The following COL12A1 variants were observed in gnomAD, a reference collection of about 807,000 sequenced individuals.
COL12A1 encodes the protein collagen alpha-1(XII) chain.
In COL12A1, 114 loss-of-function variants were observed where a neutral mutation model predicts 349.7. The observed-to-expected ratio is 0.33, with a 90% CI of 0.28 to 0.38. The LOEUF is 0.38. COL12A1 is among the 10% of genes least tolerant of loss of function. The pLI, the probability that COL12A1 is intolerant of heterozygous loss-of-function variation, is 1.00. For missense variants in COL12A1, 3,284 were observed against 3,756.9 expected, an observed-to-expected ratio of 0.87 and a Z score of 3.29; for synonymous variants, 1,369 against 1,329.0, an observed-to-expected ratio of 1.03 and a Z score of -0.66.
intron 34 of COL12A1, 86 bp downstream of exon 34, chr6:75,133,207 T>C: frequency 8.1e-7 from 1 of 1,231,156 alleles, no homozygotes; most frequent in Non-Finnish European, 1.1e-6. Context: ...CAAACTTTCC[T>C]AATTCTCTTT....
At chr6:75,144,658 C>T (rs1180595875) in intron 25 of COL12A1, among the ~76,000 whole-genome samples, 1 of 152,178 alleles carries the variant, frequency 6.6e-6, no homozygotes, top group Non-Finnish European at 1.5e-5. Flanking sequence ...CTTAGTAAAA[C>T]AAGTCAGAAG....
chr6:75,168,706 C>T (rs1274686637), intron 13 of COL12A1, among the ~76,000 whole-genome samples: 2 of 152,196 alleles, frequency 1.3e-5, no homozygotes, highest in Non-Finnish European at 2.9e-5. Context: ...TTTATTCTTT[C>T]CCCTTTTTGC....
intron 51 of COL12A1, among the ~76,000 whole-genome samples, chr6:75,111,035 T>C (rs1582065391): frequency 6.6e-6 from 1 of 152,050 alleles, no homozygotes; most frequent in East Asian, 1.9e-4. Flanking sequence ...CACACAATGG[T>C]AACTGTAGAG....
In COL12A1 at chr6:75,121,370, T is replaced by C; in HGVS notation, c.7018A>G (p.Asn2340Asp). ...ASWSIGDDNFNKVVKFIFNTV... is the reference protein window; with the variant it reads ...ASWSIGDDNFDKVVKFIFNTV... ...TTGAAGATGAATTTTACAACTTTGT[T>C]AAAATTATCGTCCCCAATGCTCCAG... The change falls in exon 44 of 66, where the codon AAC (asparagine) becomes GAC (aspartate). Residue 2340 changes from asparagine (N) to aspartate (D), a missense_variant. Asn to Asp is a conservative substitution (Grantham distance 23, BLOSUM62 1). Coordinates refer to ENST00000322507, the MANE Select transcript of COL12A1 (RefSeq NM_004370.6). 2.5e-6 allele frequency: 4 copies of C among 1,612,018 alleles called. No individual in the cohort carries two copies. Among genetic ancestry groups the C allele is most frequent in the Non-Finnish European group, 3.4e-6 (4 of 1,178,594 alleles).
At chr6:75,146,467 A>C (rs903776400) in intron 23 of COL12A1, among the ~76,000 whole-genome samples, 4 of 152,192 alleles carry the variant, frequency 2.6e-5, no homozygotes, top group Non-Finnish European at 5.9e-5. Context: ...TATCTTGTAG[A>C]AGGAAAATGT....
intron 34 of COL12A1, 64 bp downstream of exon 34, chr6:75,133,229 A>C: frequency 7.0e-7 from 1 of 1,421,090 alleles, no homozygotes; most frequent in Non-Finnish European, 9.3e-7. Flanking sequence ...ATGGGCCTTT[A>C]TGGTCTTTAT....
At chr6:75,145,804 G>T (rs2149406473) in intron 24 of COL12A1, among the ~76,000 whole-genome samples, 1 of 151,718 alleles carries the variant, frequency 6.6e-6, no homozygotes, top group East Asian at 1.9e-4. Flanking sequence ...ACTAATTTTT[G>T]TATTTTTAGT....
intron 25 of COL12A1, 125 bp downstream of exon 25, chr6:75,145,201 C>A: frequency 1.0e-6 from 1 of 1,003,148 alleles, no homozygotes. Context: ...ATTTGATTGT[C>A]AAAAGTAATA....
In COL12A1 at chr6:75,189,201, A is replaced by G. The variant is rs750724866; in HGVS notation, c.823+16T>C. On this transcript the variant is annotated intron_variant, in intron 7 of 65. Transcript: ENST00000322507. ...AGGAGTTGTAAAATGGAAATAATTA[A>G]CTGAACTTAACCTACCCAAGGAGAA... 2 of 1,609,572 alleles carry G rather than the reference A, an allele frequency of 1.2e-6. No homozygotes were observed. Among genetic ancestry groups the G allele is most frequent in the Non-Finnish European group, 8.5e-7 (1 of 1,178,126 alleles).
At chr6:75,145,964 A>G (rs1307935717) in intron 24 of COL12A1, 138 bp downstream of exon 24, 10 of 960,028 alleles carry the variant, frequency 1.0e-5, no homozygotes, top group South Asian at 4.7e-5. Context: ...TGTGTTGCAG[A>G]CCACAAACCT....
chr6:75,113,796 GAAGA>G (rs777546941), intron 49 of COL12A1, 52 bp from the exon 50 acceptor site: 252 of 1,383,024 alleles, frequency 1.8e-4, no homozygotes, highest in Non-Finnish European at 2.3e-4. Context: ...AAAAAGAAAG[GAAGA>G]AAGAAAGATT....
At chr6:75,181,267 G>A (rs1202977698) in intron 10 of COL12A1, 56 bp from the exon 11 acceptor site, 2 of 1,479,104 alleles carry the variant, frequency 1.4e-6, no homozygotes, top group African/African-American at 2.8e-5. Flanking sequence ...AAACAAAACA[G>A]TAACCAATAT....
At chr6:75,126,705 T>A (rs183391181) in intron 38 of COL12A1, among the ~76,000 whole-genome samples, 186 of 152,232 alleles carry the variant, frequency 1.2e-3, no homozygotes, top group African/African-American at 4.2e-3. Flanking sequence ...AGAGCAGCCT[T>A]CTCAGCAGGA....
At chr6:75,088,430 A>C (rs1470620901) in intron 64 of COL12A1, among the ~76,000 whole-genome samples, 2 of 151,762 alleles carry the variant, frequency 1.3e-5, no homozygotes, top group Non-Finnish European at 2.9e-5. Context: ...AAAACAGGAA[A>C]TATAACCATC....
At chr6:75,100,781 G>T (rs536353515) in intron 58 of COL12A1, among the ~76,000 whole-genome samples, 1 of 152,138 alleles carries the variant, frequency 6.6e-6, no homozygotes, top group East Asian at 1.9e-4. Flanking sequence ...TATAGTACTG[G>T]CTTCCTCAGA....
intron 43 of COL12A1, 27 bp from the exon 44 acceptor site, chr6:75,121,468 C>T (rs766799788): frequency 4.0e-6 from 6 of 1,499,176 alleles, no homozygotes; most frequent in African/African-American, 1.4e-5. Context: ...CAGAGGAAGC[C>T]CCAAATCTCA....
Position 75,183,472 on chromosome 6 carries a change from G to A in COL12A1, c.1469C>T (p.Thr490Ile), listed in dbSNP as rs1384344878. ...GGTGAATTTTTTCAAAGTGAACTCA[G>A]TATGAGGATCCCGGCTGTATTGCAC... ...SLVQYSRDPHTEFTLKKFTKV... is the reference protein window; with the variant it reads ...SLVQYSRDPHIEFTLKKFTKV... Residue 490 changes from threonine (T) to isoleucine (I), a missense_variant, in exon 10 of 66, where the codon ACT becomes ATT. Physicochemically the swap from Thr to Ile is moderately conservative, Grantham distance 89 (BLOSUM62 -1). Around this residue, in one of 2 missense-constraint regions of COL12A1, gnomAD observed 2,601 missense variants for 2,824.8 expected, o/e 0.92. Transcript: ENST00000322507. 5 of 1,614,184 alleles carry A rather than the reference G, an allele frequency of 3.1e-6. No individual in the cohort carries two copies. Among genetic ancestry groups the A allele is most frequent in the East Asian group, 4.5e-5 (2 of 44,882 alleles).
intron 52 of COL12A1, among the ~76,000 whole-genome samples, chr6:75,106,869 ATTTTCTTTTTTT>A (rs1768572926): frequency 1.4e-5 from 1 of 70,102 alleles, no homozygotes; most frequent in African/African-American, 5.2e-5. Flanking sequence ...TTTGTTAGGT[ATTTTCTTTTTTT>A]TTTTCTTTTT....
At position 75,090,893 on chromosome 6, in the gene COL12A1, C is replaced by G. The variant is rs1038319285; in HGVS notation, c.8752+430G>C. 6.6e-6 allele frequency among the ~76,000 whole-genome samples: 1 copy of G among 152,148 alleles called. No homozygotes were observed. The highest frequency in any genetic ancestry group is 2.4e-5 in the African/African-American group (1 of 41,426). ...CTAAGAGTGAGTTATGGGTTTAAGG[C>G]CCACACCAGTCTGCAGGTACTGAGC... is the stretch of plus-strand genomic sequence containing the variant. On this transcript the variant is annotated intron_variant, in intron 62 of 65. Coordinates refer to ENST00000322507, the MANE Select transcript of COL12A1 (RefSeq NM_004370.6). The surrounding 1 kb of genome is among the most constrained non-coding windows in gnomAD (Gnocchi z 4.1).
Sources: allele counts gnomAD v4.1 joint callset (sites outside exome capture counted in the v4.1 genomes callset), GRCh38; gene constraint gnomAD v4.1.1; regional missense constraint gnomAD v4.1.1; non-coding constraint Gnocchi (gnomAD v3.1); transcripts MANE v1.5; gene names NCBI Gene and HGNC (gene_info 2026-07-23, HGNC 2026-07-21).